The following ITIH3 variants were observed in gnomAD, a reference collection of about 807,000 sequenced individuals.
The protein encoded by ITIH3 is inter-alpha-trypsin inhibitor heavy chain H3.
Under a neutral mutation model 96.5 loss-of-function variants are expected in ITIH3, and 81 were observed. The ratio of observed to expected loss-of-function variants is 0.84; its 90% CI spans 0.70 to 1.01. ITIH3 has a LOEUF of 1.01. Ranked by LOEUF, ITIH3 falls within the 50% of genes least tolerant of loss-of-function variation. The pLI is 0.00. For synonymous variants in ITIH3, 422 were observed against 445.2 expected, an observed-to-expected ratio of 0.95 and a Z score of 0.66; for missense variants, 1,057 against 1,139.3, an observed-to-expected ratio of 0.93 and a Z score of 1.04.
At chr3:52,805,181 A>C in intron 15 of ITIH3, 1 of 501,102 alleles carries the variant, frequency 2.0e-6, no homozygotes, top group Non-Finnish European at 2.6e-6. Flanking sequence ...CCCAATGCCC[A>C]TGCTGGGAAT....
chr3:52,803,028 G>C (rs1009019343), intron 13 of ITIH3, among the ~76,000 whole-genome samples: 3 of 152,226 alleles, frequency 2.0e-5, no homozygotes, highest in Non-Finnish European at 4.4e-5. Context: ...GTGCCCCGGG[G>C]TAGGGGGGAC....
At chr3:52,797,432 TG>T (rs1699632013) in intron 5 of ITIH3, among the ~76,000 whole-genome samples, 165 bp downstream of exon 5, 1 of 152,140 alleles carries the variant, frequency 6.6e-6, no homozygotes, top group South Asian at 2.1e-4. Context: ...CAAAAGCATC[TG>T]GGGCCAAGGG....
Position 52,803,839 on chromosome 3 carries a change from T to C in ITIH3, c.1710-16T>C, listed in dbSNP as rs2710331. 0.35 allele frequency: 571,201 copies of C among 1,612,512 alleles called. 104,413 individuals are homozygous for C. The highest frequency in any genetic ancestry group is 0.5 in the Admixed American group (30,212 of 59,840). ...CTGCTCTCCAGGCTGTCCTCCTGAC[T>C]GGCCCCTCCTCACAGCAAGAACGCC... On this transcript the variant is annotated splice_polypyrimidine_tract_variant and intron_variant, in intron 13 of 21. Transcript: ENST00000449956.
intron 2 of ITIH3, 87 bp downstream of exon 2, chr3:52,795,710 A>G: frequency 7.6e-7 from 1 of 1,314,760 alleles, no homozygotes; most frequent in Non-Finnish European, 1.1e-6. Context: ...AGGCTATAAC[A>G]GCTGACTCCT....
At chr3:52,799,946 C>T in intron 9 of ITIH3, 25 bp downstream of exon 9, 1 of 1,606,178 alleles carries the variant, frequency 6.2e-7, no homozygotes, top group South Asian at 1.1e-5. Context: ...GGAGCCCACA[C>T]ACCTCCTAGC....
intron 8 of ITIH3, 107 bp downstream of exon 8, chr3:52,799,595 G>A: frequency 9.3e-7 from 1 of 1,074,026 alleles, no homozygotes; most frequent in Non-Finnish European, 1.3e-6. Flanking sequence ...AGGAGAAAGG[G>A]GACAGGATAA....
Position 52,802,518 on chromosome 3 carries a change from G to A in ITIH3, c.1568G>A (p.Gly523Glu). ...NSFKADVKGH[G>E]ATNDLTFTEE... ...TTTAAGGCAGATGTGAAGGGCCATGGGGTGAGTGGGGACAGGGCCTGGAAG... is the reference window on the plus strand; with the variant it reads ...TTTAAGGCAGATGTGAAGGGCCATGAGGTGAGTGGGGACAGGGCCTGGAAG... Residue 523 changes from glycine (G) to glutamate (E), a missense_variant and splice_region_variant, in exon 12 of 22, where the codon GGG becomes GAG. Gly to Glu is a moderately conservative substitution (Grantham distance 98). Transcript: ENST00000449956. 6.2e-7 allele frequency: 1 copy of A among 1,613,770 alleles called. No individual in the cohort carries two copies. Among genetic ancestry groups the A allele is most frequent in the Non-Finnish European group, 8.5e-7 (1 of 1,179,842 alleles).
At chr3:52,803,464 A>G (rs1293474235) in intron 13 of ITIH3, among the ~76,000 whole-genome samples, 4 of 150,786 alleles carry the variant, frequency 2.7e-5, no homozygotes, top group East Asian at 2.0e-4. Flanking sequence ...AATTACAGGC[A>G]TGCACCACCA....
At chr3:52,802,859 CA>C (rs1699890228) in intron 13 of ITIH3, 53 bp downstream of exon 13, 2 of 1,600,312 alleles carry the variant, frequency 1.2e-6, no homozygotes, top group African/African-American at 2.7e-5. Flanking sequence ...GGCTCCAATG[CA>C]AGGGCACCCC....
rs755887413 is a variant in ITIH3, at chr3:52,802,806, G to A, written c.1709G>A (p.Arg570His). ...YLTIEQLLEKRKNAHGEEKEN... is the reference protein window; with the variant it reads ...YLTIEQLLEKHKNAHGEEKEN... ...ACCATTGAGCAGCTGCTGGAGAAGCGGTGAGCAGAGTCCCAGCCCCCACCT... is the reference window on the plus strand; with the variant it reads ...ACCATTGAGCAGCTGCTGGAGAAGCAGTGAGCAGAGTCCCAGCCCCCACCT... The change falls in exon 13 of 22, where the codon CGC (arginine) becomes CAC (histidine). Residue 570 changes from arginine (R) to histidine (H), a missense_variant and splice_region_variant. Transcript: ENST00000449956. 3.1e-5 allele frequency: 50 copies of A among 1,613,804 alleles called. No individual in the cohort carries two copies. The highest frequency in any genetic ancestry group is 1.7e-4 in the Middle Eastern group (1 of 6,056).
intron 4 of ITIH3, 108 bp from the exon 5 acceptor site, chr3:52,796,997 G>A: frequency 1.5e-6 from 2 of 1,373,592 alleles, no homozygotes; most frequent in African/African-American, 2.9e-5. Context: ...GTGAGGCTCA[G>A]AATGGTTAGG....
chr3:52,795,493 G>A (rs1050282769), intron 1 of ITIH3, 110 bp from the exon 2 acceptor site: 1 of 1,167,166 alleles, frequency 8.6e-7, no homozygotes, highest in East Asian at 2.5e-5. Flanking sequence ...GTGTGTGGGG[G>A]GCAGGGCACC....
At position 52,799,444 on chromosome 3, in the gene ITIH3, G is replaced by T; in HGVS notation, c.862G>T (p.Val288Leu). The change falls in exon 8 of 22, where the codon GTG becomes TTG. Residue 288 changes from valine to leucine, a missense_variant. Transcript: ENST00000449956. Reference protein sequence around the residue: ...LPVVPKNVAFVIDISGSMAGR... With the variant: ...LPVVPKNVAFLIDISGSMAGR... ...AGTGGTGCCTAAGAACGTGGCCTTT[G>T]TGATTGACATCAGCGGCTCCATGGC... 1 of 1,612,754 alleles carries T rather than the reference G, an allele frequency of 6.2e-7. No individual in the cohort carries two copies. The highest frequency in any genetic ancestry group is 8.5e-7 in the Non-Finnish European group (1 of 1,179,436).
chr3:52,799,226 C>A, intron 7 of ITIH3, 135 bp downstream of exon 7: 1 of 1,263,288 alleles, frequency 7.9e-7, no homozygotes, highest in Non-Finnish European at 1.1e-6. Flanking sequence ...CAGCTGATGG[C>A]CTAGAGCCTG....
chr3:52,802,347 AG>A lies in ITIH3; in HGVS notation c.1399del (p.Val467TrpfsTer6). 1 of 1,613,800 alleles carries A rather than the reference AG, an allele frequency of 6.2e-7. No homozygotes were observed. The highest frequency in any genetic ancestry group is 8.5e-7 in the Non-Finnish European group (1 of 1,179,838). The stretch of plus-strand genomic sequence containing the variant: ...TGCGAACTTCAGGGCTTCTATGAGG[AG>A]GTGGCCAACCCACTGCTGACGGGTG... ...ADLQLQGFYE[E>X]VANPLLTGVE... On this transcript the variant is annotated frameshift_variant, in exon 12 of 22. Transcript: ENST00000449956. LOFTEE classifies it high-confidence loss of function.
Position 52,804,008 on chromosome 3 carries a change from AG to A in ITIH3, c.1864+1del, listed in dbSNP as rs1699949468. ...ERAIADKPGE[D>X]AEATPVSPAM... ...GGGCCATTGCCGACAAGCCTGGGGA[AG>A]GTGGGGATAGGGATGGAGGCCGGAA... On this transcript the variant is annotated frameshift_variant and splice_region_variant, in exon 14 of 22. Coordinates refer to ENST00000449956, the MANE Select transcript of ITIH3 (RefSeq NM_002217.4). LOFTEE classifies it high-confidence loss of function. 4.3e-6 allele frequency: 7 copies of A among 1,612,160 alleles called. No homozygotes were observed. The highest frequency in any genetic ancestry group is 5.9e-6 in the Non-Finnish European group (7 of 1,179,082).
chr3:52,802,514 C>T lies in ITIH3; in HGVS notation c.1564C>T (p.His522Tyr). Residue 522 changes from histidine to tyrosine, a missense_variant, in exon 12 of 22, where the codon CAT becomes TAT. His to Tyr is a moderately conservative substitution (Grantham distance 83). Transcript: ENST00000449956. ...CAGCTTTAAGGCAGATGTGAAGGGC[C>T]ATGGGGTGAGTGGGGACAGGGCCTG... ...MNSFKADVKG[H>Y]GATNDLTFTE... is the part of the protein sequence containing the mutation. 1 of 1,613,766 alleles carries T rather than the reference C, an allele frequency of 6.2e-7. No homozygotes were observed. The highest frequency in any genetic ancestry group is 8.5e-7 in the Non-Finnish European group (1 of 1,179,828).
rs750378335 is a variant in ITIH3 at position 52,798,981 on chromosome 3, A to C, written c.679A>C (p.Lys227Gln). 1 of 1,613,400 alleles carries C rather than the reference A, an allele frequency of 6.2e-7. No individual in the cohort carries two copies. Among genetic ancestry groups the C allele is most frequent in the Non-Finnish European group, 8.5e-7 (1 of 1,179,664 alleles). Residue 227 changes from lysine (K) to glutamine (Q), a missense_variant, in exon 7 of 22, where the codon AAG becomes CAG. Transcript: ENST00000449956. Reference protein sequence around the residue: ...FSGKKGHVSFKPSLDQQRSCP... With the variant: ...FSGKKGHVSFQPSLDQQRSCP... ...CATCCCTTAGGGCCATGTGTCCTTC[A>C]AGCCCAGCTTAGACCAACAGCGTTC...
At chr3:52,801,943 C>A (rs1050856499) in intron 11 of ITIH3, among the ~76,000 whole-genome samples, 1 of 152,200 alleles carries the variant, frequency 6.6e-6, no homozygotes, top group Non-Finnish European at 1.5e-5. Flanking sequence ...CCACCCCATT[C>A]CCTCCCTCCT....
Sources: allele counts gnomAD v4.1 joint callset (sites outside exome capture counted in the v4.1 genomes callset), GRCh38; gene constraint gnomAD v4.1.1; transcripts MANE v1.5; gene names NCBI Gene and HGNC (gene_info 2026-07-23, HGNC 2026-07-21).